Variants in ARAP2 observed in about 807,000 individuals in gnomAD.
The protein encoded by ARAP2 is arf-GAP with Rho-GAP domain, ANK repeat and PH domain-containing protein 2.
A neutral mutation model predicts 194.5 loss-of-function variants in ARAP2; 148 were observed. The observed-to-expected ratio is 0.76, with a 90% confidence interval of 0.67 to 0.87. The LOEUF (loss-of-function observed/expected upper bound fraction) is 0.87, where lower values mean the gene tolerates loss of function less well. Among genes scored for constraint, ARAP2 ranks in the 40% least tolerant of loss-of-function variants. ARAP2 has a pLI of 0.00. For missense variants in ARAP2, 2,128 were observed against 1,989.7 expected (o/e 1.07, Z -1.32); for synonymous variants, 695 against 683.5 (o/e 1.02, Z -0.26).
chr4:36,114,679 G>T (rs943318613), intron 25 of ARAP2, among the ~76,000 whole-genome samples: 2 of 151,888 alleles, frequency 1.3e-5, no homozygotes, highest in African/African-American at 4.8e-5. Context: ...ATTCAGCCTA[G>T]ATTCTAAATT....
intron 6 of ARAP2, among the ~76,000 whole-genome samples, chr4:36,206,852 CA>C (rs1014910184): frequency 6.7e-6 from 1 of 149,388 alleles, no homozygotes; most frequent in Non-Finnish European, 1.5e-5. Flanking sequence ...TTCTCATGGC[CA>C]AAAAAAAAGT....
At chr4:36,198,331 G>T (rs541055795) in intron 6 of ARAP2, among the ~76,000 whole-genome samples, 4 of 152,288 alleles carry the variant, frequency 2.6e-5, no homozygotes, top group African/African-American at 9.6e-5. Flanking sequence ...ACTGGTCCAT[G>T]GGCAGTCATA....
chr4:36,102,715 T>C (rs1368912954), intron 27 of ARAP2, among the ~76,000 whole-genome samples: 1 of 151,994 alleles, frequency 6.6e-6, no homozygotes, highest in Non-Finnish European at 1.5e-5. Flanking sequence ...ATTTCAACAG[T>C]TGTCATACAT....
At chr4:36,163,347 G>A (rs1001452067) in intron 11 of ARAP2, among the ~76,000 whole-genome samples, 3 of 152,072 alleles carry the variant, frequency 2.0e-5, no homozygotes, top group African/African-American at 7.2e-5. Flanking sequence ...ACATGTTGTC[G>A]AGACACTCAA....
At chr4:36,046,504 C>G (rs938234550) in intron 4 of ARAP2, among the ~76,000 whole-genome samples, 4 of 151,932 alleles carry the variant, frequency 2.6e-5, no homozygotes, top group African/African-American at 9.7e-5. Context: ...GTGCAGTGAG[C>G]CACTGCACCT....
At chr4:36,184,446 C>A (rs1350753673) in intron 8 of ARAP2, among the ~76,000 whole-genome samples, 2 of 152,052 alleles carry the variant, frequency 1.3e-5, no homozygotes, top group African/African-American at 4.8e-5. Context: ...AAATTAAAGA[C>A]CTACAACTTA....
In ARAP2 at chr4:36,133,180, G is replaced by T. The variant is rs73809105; in HGVS notation, c.3427+46C>A. The T allele has an allele frequency of 9.7e-4, 1,532 of 1,581,828 alleles. 14 individuals carry two copies. The African/African-American group carries it at 0.018, about 19-fold the overall frequency. On this transcript the variant is annotated intron_variant, in intron 20 of 32. Coordinates refer to ENST00000303965, the MANE Select transcript of ARAP2 (RefSeq NM_015230.4). ...GTACCACTTAAAAACCTGTAAGAAC[G>T]ATACAATCAGTTCTAAGGGTTGAAT...
At chr4:36,124,726 A>C (rs919415470) in intron 22 of ARAP2, 136 bp downstream of exon 22, 3 of 524,034 alleles carry the variant, frequency 5.7e-6, no homozygotes, top group Non-Finnish European at 1.0e-5. Context: ...ATTTATCTGT[A>C]AATGTGACTT....
chr4:36,187,689 T>A (rs1740881996), intron 7 of ARAP2, 118 bp from the exon 8 acceptor site: 2 of 810,336 alleles, frequency 2.5e-6, no homozygotes, highest in South Asian at 3.1e-5. Flanking sequence ...CCAAATTTTT[T>A]AAATGCCATA....
chr4:36,015,346 T>C (rs1715596439), intron 8 of ARAP2: 1 of 152,182 alleles, frequency 6.6e-6, no homozygotes, highest in African/African-American at 2.4e-5. Context: ...ATAACAAGCA[T>C]CCCTAAACTC....
At chr4:36,150,231 A>G (rs1396997895) in intron 16 of ARAP2, among the ~76,000 whole-genome samples, 1 of 152,164 alleles carries the variant, frequency 6.6e-6, no homozygotes, top group Non-Finnish European at 1.5e-5. Context: ...CTCCTTTCTT[A>G]CCTGTTTTAA....
chr4:36,181,128 G>A (rs546406305), intron 8 of ARAP2, among the ~76,000 whole-genome samples: 16 of 152,246 alleles, frequency 1.1e-4, no homozygotes, highest in African/African-American at 2.9e-4. Flanking sequence ...TATTCTTACC[G>A]ATAACAAATA....
At chr4:36,107,516 A>G (rs1718721094) in intron 27 of ARAP2, 49 bp downstream of exon 27, 1 of 1,559,906 alleles carries the variant, frequency 6.4e-7, no homozygotes, top group Non-Finnish European at 8.7e-7. Context: ...TTACCCTTTA[A>G]CCACTTGAAT....
chr4:36,133,439 A>T (rs767561089), intron 19 of ARAP2, 50 bp from the exon 20 acceptor site: 11 of 1,530,960 alleles, frequency 7.2e-6, no homozygotes, highest in Non-Finnish European at 9.8e-6. Flanking sequence ...CTTTAAAAAA[A>T]AATCTTACTC....
chr4:36,094,378 CATT>C (rs965290273), intron 27 of ARAP2, among the ~76,000 whole-genome samples: 1 of 152,112 alleles, frequency 6.6e-6, no homozygotes, highest in Non-Finnish European at 1.5e-5. Context: ...AAACCTAAAA[CATT>C]AACTCTAGGC....
chr4:36,062,853 A>G (rs1724687667), downstream of ARAP2, among the ~76,000 whole-genome samples: 1 of 152,194 alleles, frequency 6.6e-6, no homozygotes, highest in South Asian at 2.1e-4. Context: ...GTAATATTTT[A>G]AATAAAAAAT....
At chr4:36,133,434 A>G in intron 19 of ARAP2, 45 bp from the exon 20 acceptor site, 2 of 1,551,412 alleles carry the variant, frequency 1.3e-6, no homozygotes, top group Non-Finnish European at 1.8e-6. Context: ...TTGCTCTTTA[A>G]AAAAAAATCT....
chr4:36,195,907 A>G (rs1215944619), intron 6 of ARAP2, among the ~76,000 whole-genome samples: 1 of 152,222 alleles, frequency 6.6e-6, no homozygotes, highest in Non-Finnish European at 1.5e-5. Context: ...CTTCTGTAGG[A>G]TCAGCAAGTA....
chr4:36,164,607 G>A (rs576674364), intron 11 of ARAP2, among the ~76,000 whole-genome samples: 1 of 152,232 alleles, frequency 6.6e-6, no homozygotes, highest in East Asian at 1.9e-4. Context: ...AAAGATGCAA[G>A]CTTCTTCAGG....
Sources: gnomAD v4.1 joint callset for allele counts (sites outside exome capture counted in the v4.1 genomes callset) on GRCh38, gnomAD v4.1.1 for gene constraint, MANE v1.5 for transcripts, NCBI Gene and HGNC (gene_info 2026-07-23, HGNC 2026-07-21) for gene names.